Variants in SLC20A2 observed in about 807,000 individuals in gnomAD.
SLC20A2 encodes sodium-dependent phosphate transporter 2.
In SLC20A2, 30 loss-of-function variants were observed where a neutral mutation model predicts 61.0. The ratio of observed to expected loss-of-function variants is 0.49; its 90% confidence interval spans 0.37 to 0.67. The LOEUF (loss-of-function observed/expected upper bound fraction) is 0.67, where lower values mean the gene tolerates loss of function less well. Among genes scored for constraint, SLC20A2 ranks in the 30% least tolerant of loss-of-function variants. The probability of loss-of-function intolerance (pLI) is 0.00; values close to 1 mark genes in which losing one functional copy is unlikely to be tolerated. For synonymous variants in SLC20A2, 351 were observed against 353.3 expected, an observed-to-expected ratio of 0.99 and a Z score of 0.07; for missense variants, 626 against 866.4, an observed-to-expected ratio of 0.72 and a Z score of 3.48.
At chr8:42,479,681 C>T (rs752899122) in intron 1 of SLC20A2, among the ~76,000 whole-genome samples, 2 of 151,994 alleles carry the variant, frequency 1.3e-5, no homozygotes, top group Non-Finnish European at 2.9e-5. Flanking sequence ...CAAAAATTAG[C>T]TGGCATGGCA....
rs550362168 is a variant in SLC20A2 at position 42,457,290 on chromosome 8, G to A, written c.613+2606C>T. ...AAAAGCTGTGACAAACACACTTCCT[G>A]GTCCATGAATTATATAACCTAAAGG... On this transcript the variant is annotated intron_variant, in intron 5 of 10. Transcript: ENST00000520262. Among the ~76,000 whole-genome samples the A allele has an allele frequency of 2.6e-5, 4 of 152,082 alleles. No individual in the cohort carries two copies. The South Asian group carries it at 8.3e-4, about 32-fold the overall frequency.
At chr8:42,474,727 G>A (rs1019437081) in intron 1 of SLC20A2, among the ~76,000 whole-genome samples, 2 of 152,164 alleles carry the variant, frequency 1.3e-5, no homozygotes, top group Non-Finnish European at 1.5e-5. Flanking sequence ...ATGTGGTCCT[G>A]GCACATCTGG....
At chr8:42,423,220 A>T (rs1382443270) in intron 10 of SLC20A2, among the ~76,000 whole-genome samples, 8 of 152,128 alleles carry the variant, frequency 5.3e-5, no homozygotes, top group Admixed American at 3.9e-4. Flanking sequence ...TTGTTACCTT[A>T]AAAAAGCATT....
intron 10 of SLC20A2, among the ~76,000 whole-genome samples, chr8:42,424,489 C>T (rs925955952): frequency 2.0e-5 from 3 of 152,122 alleles, no homozygotes; most frequent in Admixed American, 2.0e-4. Context: ...CCAATTAAGG[C>T]TTTTGACCCT....
intron 6 of SLC20A2, among the ~76,000 whole-genome samples, chr8:42,441,046 G>A (rs1027256726): frequency 6.6e-5 from 10 of 151,900 alleles, no homozygotes; most frequent in African/African-American, 2.2e-4. Flanking sequence ...TGAACTGCTC[G>A]CCTCAGCCTC....
At chr8:42,519,563 G>T (rs1170590394) in intron 1 of SLC20A2, among the ~76,000 whole-genome samples, 2 of 152,108 alleles carry the variant, frequency 1.3e-5, no homozygotes, top group Non-Finnish European at 2.9e-5. Context: ...TGAATATGCA[G>T]TTGGGGTCAA....
chr8:42,439,691 G>T (rs532790490), intron 6 of SLC20A2, 38 bp from the exon 7 acceptor site: 1 of 1,382,872 alleles, frequency 7.2e-7, no homozygotes, highest in South Asian at 1.2e-5. Context: ...TTCTGGAAGA[G>T]AGTTCTTATT....
chr8:42,526,581 G>C (rs1472065560), intron 1 of SLC20A2, among the ~76,000 whole-genome samples: 2 of 151,366 alleles, frequency 1.3e-5, no homozygotes, highest in Admixed American at 1.3e-4. Flanking sequence ...GCTGAGCCAG[G>C]AGAATGGCGT....
intron 3 of SLC20A2, among the ~76,000 whole-genome samples, chr8:42,463,721 A>C (rs150655284): frequency 0.014 from 2,086 of 152,176 alleles, 13 homozygotes; most frequent in Non-Finnish European, 0.022. Context: ...GGTCATTCTA[A>C]AGTACAGCCA....
At chr8:42,488,723 T>C (rs954289727) in intron 1 of SLC20A2, among the ~76,000 whole-genome samples, 1 of 152,170 alleles carries the variant, frequency 6.6e-6, no homozygotes, top group Non-Finnish European at 1.5e-5. Flanking sequence ...CTGTTGGTTT[T>C]ATATTTTTAT....
intron 5 of SLC20A2, among the ~76,000 whole-genome samples, chr8:42,452,104 AGAG>A (rs570587540): frequency 1.7e-5 from 2 of 117,524 alleles, no homozygotes; most frequent in South Asian, 7.0e-4. Flanking sequence ...AAGAGATGAA[AGAG>A]GAGGAGGAAA....
intron 1 of SLC20A2, among the ~76,000 whole-genome samples, chr8:42,509,779 A>G (rs1305068594): frequency 6.6e-6 from 1 of 151,952 alleles, no homozygotes; most frequent in Non-Finnish European, 1.5e-5. Flanking sequence ...AACAAAACAA[A>G]AAGATGCTAG....
intron 1 of SLC20A2, among the ~76,000 whole-genome samples, chr8:42,480,840 T>C (rs559807323): frequency 6.6e-6 from 1 of 152,288 alleles, no homozygotes; most frequent in African/African-American, 2.4e-5. Flanking sequence ...TGTTTTCTTT[T>C]TGGTAGAGAC....
chr8:42,502,439 AC>A (rs1219992389), upstream of SLC20A2: 2 of 152,268 alleles, frequency 1.3e-5, no homozygotes, highest in Non-Finnish European at 2.9e-5. Flanking sequence ...TCTCTTGCAG[AC>A]AGGTATCCTG....
At chr8:42,483,128 T>C (rs1751830894) in intron 1 of SLC20A2, among the ~76,000 whole-genome samples, 4 of 151,394 alleles carry the variant, frequency 2.6e-5, no homozygotes, top group Admixed American at 1.3e-4. Context: ...GGTGGATCAC[T>C]TGAGGTCAGG....
intron 8 of SLC20A2, among the ~76,000 whole-genome samples, chr8:42,430,938 C>T (rs1172939434): frequency 6.6e-6 from 1 of 152,100 alleles, no homozygotes; most frequent in South Asian, 2.1e-4. Context: ...GTGTGTTCTC[C>T]CTGCTCCACT....
intron 1 of SLC20A2, among the ~76,000 whole-genome samples, chr8:42,532,088 A>C (rs1419146115): frequency 6.6e-6 from 1 of 151,804 alleles, no homozygotes; most frequent in African/African-American, 2.4e-5. Flanking sequence ...CAGCCTCCCA[A>C]AGTGCTGGTA....
intron 5 of SLC20A2, among the ~76,000 whole-genome samples, chr8:42,451,996 A>T (rs1483882412): frequency 6.3e-5 from 7 of 110,946 alleles, no homozygotes; most frequent in Admixed American, 2.6e-4. Context: ...GGAGGAAGAG[A>T]TGAAGAGGAG....
intron 5 of SLC20A2, among the ~76,000 whole-genome samples, chr8:42,453,874 G>A (rs1174938883): frequency 6.6e-6 from 1 of 152,170 alleles, no homozygotes; most frequent in Non-Finnish European, 1.5e-5. Flanking sequence ...CCAAAAGACT[G>A]GGTTAGGTTA....
Sources: gnomAD v4.1 joint callset for allele counts (sites outside exome capture counted in the v4.1 genomes callset) on GRCh38, gnomAD v4.1.1 for gene constraint, MANE v1.5 for transcripts, NCBI Gene and HGNC (gene_info 2026-07-23, HGNC 2026-07-21) for gene names.